The following ATP2B1 variants were observed in gnomAD, a reference collection of about 807,000 sequenced individuals.
ATP2B1 encodes the protein plasma membrane calcium-transporting ATPase 1.
In ATP2B1, 14 loss-of-function variants were observed where a neutral mutation model predicts 124.2. That is an observed-to-expected ratio of 0.11 (90% CI 0.07 to 0.18). ATP2B1 has a LOEUF of 0.18. Ranked by LOEUF, ATP2B1 falls within the 10% of genes least tolerant of loss-of-function variation. ATP2B1 has a pLI of 1.00. For missense variants in ATP2B1, 763 were observed against 1,466.1 expected, an observed-to-expected ratio of 0.52 and a Z score of 7.83; for synonymous variants, 449 against 492.4, an observed-to-expected ratio of 0.91 and a Z score of 1.17.
intron 12 of ATP2B1, among the ~76,000 whole-genome samples, chr12:89,614,617 T>TA (rs1374181691): frequency 1.3e-5 from 2 of 152,164 alleles, no homozygotes; most frequent in Non-Finnish European, 2.9e-5. Flanking sequence ...GGCAACCTCT[T>TA]AGTCATAAAA....
At chr12:89,620,271 T>C (rs532338679) in intron 10 of ATP2B1, 31 bp from the exon 11 acceptor site, 1 of 1,606,548 alleles carries the variant, frequency 6.2e-7, no homozygotes, top group African/African-American at 1.3e-5. Context: ...GTAGCTAGTA[T>C]CTCGTTTCTC....
At chr12:89,672,964 T>G (rs1888174836) in intron 1 of ATP2B1, among the ~76,000 whole-genome samples, 1 of 152,256 alleles carries the variant, frequency 6.6e-6, no homozygotes, top group Non-Finnish European at 1.5e-5. Context: ...TTGTTTCCAC[T>G]TAGCTGAATT....
chr12:89,614,737 G>C (rs1878658384), intron 12 of ATP2B1, among the ~76,000 whole-genome samples: 1 of 152,136 alleles, frequency 6.6e-6, no homozygotes, highest in Non-Finnish European at 1.5e-5. Flanking sequence ...ACATACATTT[G>C]GATGTCTCAG....
chr12:89,635,240 C>G lies in ATP2B1; in HGVS notation c.418G>C (p.Val140Leu), dbSNP rs772127795. 1.2e-6 allele frequency: 2 copies of G among 1,611,956 alleles called. No individual in the cohort carries two copies. Among genetic ancestry groups the G allele is most frequent in the African/African-American group, 1.3e-5 (1 of 74,986 alleles). ...PEGDNALCGE[V>L]SVGEEEGEGE... Reference sequence around the variant, plus strand: ...TCACCTTCTTCCTCCCCAACAGAAACTTCTCCACAAACTATTTGGAAAGAA... The same window carrying G: ...TCACCTTCTTCCTCCCCAACAGAAAGTTCTCCACAAACTATTTGGAAAGAA... The change falls in exon 4 of 21, where the codon GTT becomes CTT. Residue 140 changes from valine (V) to leucine (L), a missense_variant. Physicochemically the swap from Val to Leu is conservative, Grantham distance 32 (BLOSUM62 1). Coordinates refer to ENST00000428670, the MANE Select transcript of ATP2B1 (RefSeq NM_001366521.1).
At chr12:89,596,278 A>T (rs1874595288) in intron 20 of ATP2B1, among the ~76,000 whole-genome samples, 2 of 152,122 alleles carry the variant, frequency 1.3e-5, no homozygotes. Flanking sequence ...ATATGAAGCT[A>T]ATCAGTAGCA....
rs568798369 is a variant in ATP2B1 at position 89,662,103 on chromosome 12, C to T, written c.-221-5996G>A. On this transcript the variant is annotated intron_variant, in intron 1 of 20. Coordinates refer to ENST00000428670, the MANE Select transcript of ATP2B1 (RefSeq NM_001366521.1). ...CCATGCTTTATCCATCTTTGATCTC[C>T]ATATCTTATCAAGAGAGACTATGAT... Among the ~76,000 whole-genome samples the T allele has an allele frequency of 5.3e-5, 8 of 151,856 alleles. No homozygotes were observed. The South Asian group carries it at 1.7e-3, about 32-fold the overall frequency.
chr12:89,667,800 T>C (rs951977223), intron 1 of ATP2B1, among the ~76,000 whole-genome samples: 1 of 152,218 alleles, frequency 6.6e-6, no homozygotes, highest in African/African-American at 2.4e-5. Context: ...ATCGTTAAAA[T>C]GGCCATACTG....
chr12:89,592,021 A>G (rs1453178333), intron 20 of ATP2B1, among the ~76,000 whole-genome samples: 1 of 152,076 alleles, frequency 6.6e-6, no homozygotes, highest in African/African-American at 2.4e-5. Flanking sequence ...ATCCTCTGGG[A>G]TTCTTCTGTG....
At chr12:89,691,551 CTAGA>C (rs1249197409) in intron 1 of ATP2B1, among the ~76,000 whole-genome samples, 1 of 152,062 alleles carries the variant, frequency 6.6e-6, no homozygotes, top group Non-Finnish European at 1.5e-5. Context: ...ATAATTTATC[CTAGA>C]TAATTTGTAA....
At chr12:89,617,291 T>C (rs1169265316) in intron 11 of ATP2B1, among the ~76,000 whole-genome samples, 1 of 152,244 alleles carries the variant, frequency 6.6e-6, no homozygotes. Context: ...CCTTGTCTTT[T>C]GGAAATGCAG....
At chr12:89,623,375 T>A (rs1880320086) in intron 9 of ATP2B1, among the ~76,000 whole-genome samples, 3 of 151,220 alleles carry the variant, frequency 2.0e-5, no homozygotes, top group African/African-American at 4.9e-5. Context: ...TTATTTCCAA[T>A]CCACCTTTTC....
At chr12:89,643,032 C>A (rs905084329) in intron 2 of ATP2B1, among the ~76,000 whole-genome samples, 5 of 149,670 alleles carry the variant, frequency 3.3e-5, no homozygotes, top group African/African-American at 1.2e-4. Context: ...ATATTGCCCC[C>A]ACAAAACTGG....
chr12:89,681,824 T>C (rs1185660499), intron 1 of ATP2B1, among the ~76,000 whole-genome samples: 3 of 152,158 alleles, frequency 2.0e-5, no homozygotes, highest in African/African-American at 2.4e-5. Context: ...TCTTAATTAA[T>C]GGGGAAAACT....
chr12:89,611,124 TTTG>T, intron 13 of ATP2B1, 66 bp downstream of exon 13: 1 of 1,403,562 alleles, frequency 7.1e-7, no homozygotes, highest in Non-Finnish European at 9.6e-7. Flanking sequence ...TCAATATGTG[TTTG>T]TTGAGTTAAA....
chr12:89,628,791 A>C (rs188810457), intron 6 of ATP2B1, among the ~76,000 whole-genome samples: 1 of 152,310 alleles, frequency 6.6e-6, no homozygotes, highest in African/African-American at 2.4e-5. Context: ...GAAGCTCAAG[A>C]TTGATGAGGA....
chr12:89,664,310 T>G (rs923418810), intron 1 of ATP2B1, among the ~76,000 whole-genome samples: 2 of 152,204 alleles, frequency 1.3e-5, no homozygotes, highest in African/African-American at 4.8e-5. Flanking sequence ...CAGTACAGAT[T>G]ATTCATTCAT....
chr12:89,617,315 TC>T (rs1423763181), intron 11 of ATP2B1, among the ~76,000 whole-genome samples: 18 of 152,296 alleles, frequency 1.2e-4, no homozygotes, highest in African/African-American at 4.3e-4. Flanking sequence ...TTTCAAACTT[TC>T]ATAAAGAATC....
At chr12:89,652,823 A>C (rs951528116) in intron 2 of ATP2B1, among the ~76,000 whole-genome samples, 1 of 152,156 alleles carries the variant, frequency 6.6e-6, no homozygotes, top group African/African-American at 2.4e-5. Context: ...CTGCAGCCTC[A>C]AACTCCTGGA....
intron 8 of ATP2B1, 94 bp downstream of exon 8, chr12:89,626,360 C>T: frequency 7.4e-7 from 1 of 1,342,814 alleles, no homozygotes; most frequent in Admixed American, 2.7e-5. Flanking sequence ...ATTCACAAAG[C>T]AACAATTTCC....
Sources: gnomAD v4.1 joint callset for allele counts (sites outside exome capture counted in the v4.1 genomes callset) on GRCh38, gnomAD v4.1.1 for gene constraint, MANE v1.5 for transcripts, NCBI Gene and HGNC (gene_info 2026-07-23, HGNC 2026-07-21) for gene names.